The following GALNT17 variants were observed in gnomAD, a reference collection of about 807,000 sequenced individuals.
The protein encoded by GALNT17 is UDP-GalNAc:polypeptide N-acetylgalactosaminyltransferase-like 3.
In GALNT17, 29 loss-of-function variants were observed where a neutral mutation model predicts 63.7. The observed-to-expected ratio is 0.46, with a 90% confidence interval of 0.34 to 0.62. GALNT17 has a LOEUF of 0.62. Among genes scored for constraint, GALNT17 ranks in the 20% least tolerant of loss-of-function variants. The pLI, the probability that GALNT17 is intolerant of heterozygous loss-of-function variation, is 0.01. For synonymous variants in GALNT17, 305 were observed against 318.3 expected, an observed-to-expected ratio of 0.96 and a Z score of 0.45; for missense variants, 603 against 799.6, an observed-to-expected ratio of 0.75 and a Z score of 2.97.
At chr7:71,587,001 C>T (rs1325220194) in intron 6 of GALNT17, among the ~76,000 whole-genome samples, 3 of 151,992 alleles carry the variant, frequency 2.0e-5, no homozygotes, top group Non-Finnish European at 2.9e-5. Context: ...AAGCTCTCTT[C>T]CTCCTTTCTC....
chr7:71,327,124 CCACATGTATGCCATTAAGGAGAG>C (rs1431679070), intron 1 of GALNT17, among the ~76,000 whole-genome samples: 1 of 152,142 alleles, frequency 6.6e-6, no homozygotes, highest in Non-Finnish European at 1.5e-5. Flanking sequence ...CTGGAGGTGA[CCACATGTATGCCATTAAGGAGAG>C]CACCTAAACA....
chr7:71,316,896 C>T (rs1791510648), intron 1 of GALNT17, among the ~76,000 whole-genome samples: 1 of 152,138 alleles, frequency 6.6e-6, no homozygotes, highest in Non-Finnish European at 1.5e-5. Context: ...CTTTTCCCAC[C>T]AAAAACAATA....
chr7:71,429,840 G>A (rs909402958), intron 5 of GALNT17, among the ~76,000 whole-genome samples: 21 of 152,108 alleles, frequency 1.4e-4, no homozygotes, highest in African/African-American at 4.6e-4. Context: ...CCAAGTAGCC[G>A]GGATTACCAG....
rs1047842408 is a variant in GALNT17, at chr7:71,498,790, T to A, written c.963-72495T>A. 1.7e-4 allele frequency among the ~76,000 whole-genome samples: 26 copies of A among 152,312 alleles called. No individual in the cohort carries two copies. In the Middle Eastern group the frequency reaches 0.01, roughly 60 times the overall value. On this transcript the variant is annotated intron_variant, in intron 5 of 10. Coordinates refer to ENST00000333538, the MANE Select transcript of GALNT17 (RefSeq NM_022479.3). ...TGCCTCTGAAAACCCTGGAGAAGAA[T>A]GTTCTTGCAGAAGCCAGATAACTCC...
At chr7:71,202,277 C>A (rs1796079) in intron 1 of GALNT17, among the ~76,000 whole-genome samples, 34,652 of 151,600 alleles carry the variant, frequency 0.23, 4,169 homozygotes, top group East Asian at 0.44. Context: ...TAAAATAATT[C>A]ATCACACAGA....
At chr7:71,693,307 C>CATATATATATATATATATAT (rs1397260396) in intron 9 of GALNT17, among the ~76,000 whole-genome samples, 1 of 126,644 alleles carries the variant, frequency 7.9e-6, no homozygotes, top group South Asian at 3.4e-4. Flanking sequence ...CACACACACA[C>CATATATATATATATATATAT]ACATATATAT....
chr7:71,155,521 G>A (rs991104841), intron 1 of GALNT17, among the ~76,000 whole-genome samples: 2 of 151,796 alleles, frequency 1.3e-5, no homozygotes, highest in South Asian at 2.1e-4. Context: ...CAGTTAGCCC[G>A]CCTCAGCCTC....
chr7:71,352,727 T>G (rs951324393), intron 2 of GALNT17, among the ~76,000 whole-genome samples: 1 of 151,834 alleles, frequency 6.6e-6, no homozygotes, highest in African/African-American at 2.4e-5. Flanking sequence ...AGCCCAGGAG[T>G]GAGTGCTGTG....
intron 5 of GALNT17, among the ~76,000 whole-genome samples, chr7:71,568,233 A>G (rs1021314066): frequency 6.6e-6 from 1 of 152,204 alleles, no homozygotes; most frequent in African/African-American, 2.4e-5. Context: ...AGGCAGGCAG[A>G]TGCTGAGTTC....
chr7:71,490,677 A>G (rs1787991576), intron 5 of GALNT17, among the ~76,000 whole-genome samples: 1 of 152,072 alleles, frequency 6.6e-6, no homozygotes, highest in Admixed American at 6.6e-5. Context: ...AGGCAGGAGA[A>G]TCCCTTGAGG....
At chr7:71,292,660 AGAGAGAGAGTGT>A (rs1562976024) in intron 1 of GALNT17, among the ~76,000 whole-genome samples, 2 of 116,874 alleles carry the variant, frequency 1.7e-5, no homozygotes. Context: ...AGACAGAGAG[AGAGAGAGAGTGT>A]GTGTGTGTGT....
intron 1 of GALNT17, among the ~76,000 whole-genome samples, chr7:71,324,372 C>A (rs914390177): frequency 6.6e-6 from 1 of 151,918 alleles, no homozygotes; most frequent in South Asian, 2.1e-4. Flanking sequence ...ACCAAGAGGC[C>A]CAGCACAGTG....
At chr7:71,321,959 TCC>T (rs1791625065) in intron 1 of GALNT17, among the ~76,000 whole-genome samples, 14 of 127,956 alleles carry the variant, frequency 1.1e-4, no homozygotes, top group African/African-American at 4.0e-4. Flanking sequence ...CTTCCTTCCT[TCC>T]TTTTTTTTGA....
At chr7:71,448,291 A>T (rs1436734765) in intron 5 of GALNT17, among the ~76,000 whole-genome samples, 2 of 151,874 alleles carry the variant, frequency 1.3e-5, no homozygotes, top group Admixed American at 1.3e-4. Flanking sequence ...TATTCATTGC[A>T]CTGGCACTCA....
chr7:71,363,691 CAG>C (rs1263560956), intron 2 of GALNT17, among the ~76,000 whole-genome samples: 4 of 152,342 alleles, frequency 2.6e-5, no homozygotes, highest in East Asian at 1.9e-4. Flanking sequence ...TTAAATGAAA[CAG>C]AGTTTAATTG....
At chr7:71,464,203 T>C (rs1787498871) in intron 5 of GALNT17, among the ~76,000 whole-genome samples, 1 of 152,194 alleles carries the variant, frequency 6.6e-6, no homozygotes, top group African/African-American at 2.4e-5. Context: ...CCTAACAGGA[T>C]TCTTGCTAAA....
chr7:71,468,191 C>T (rs1421873783), intron 5 of GALNT17, among the ~76,000 whole-genome samples: 1 of 151,956 alleles, frequency 6.6e-6, no homozygotes, highest in Non-Finnish European at 1.5e-5. Context: ...CCACACCTGG[C>T]TAGTTTTTAA....
intron 1 of GALNT17, among the ~76,000 whole-genome samples, chr7:71,297,252 G>C (rs1484963078): frequency 6.6e-6 from 1 of 152,082 alleles, no homozygotes; most frequent in Non-Finnish European, 1.5e-5. Flanking sequence ...TACACCAAAA[G>C]ACGCCTGGGG....
At position 71,211,297 on chromosome 7, in the gene GALNT17, T is replaced by A. The variant is rs182306399; in HGVS notation, c.238+78257T>A. On this transcript the variant is annotated intron_variant, in intron 1 of 10. Transcript: ENST00000333538. ...AGTCTCACGAGATCTGATGGGTTTA[T>A]CAGGGGTTTCCGCTTTTGCTTCTTC... 2.3e-4 allele frequency among the ~76,000 whole-genome samples: 35 copies of A among 152,330 alleles called. No homozygotes were observed. The East Asian group carries it at 5.6e-3, about 24-fold the overall frequency.
Sources: allele counts gnomAD v4.1 joint callset (sites outside exome capture counted in the v4.1 genomes callset), GRCh38; gene constraint gnomAD v4.1.1; transcripts MANE v1.5; gene names NCBI Gene and HGNC (gene_info 2026-07-23, HGNC 2026-07-21).